Variants in SLC30A8 observed in about 807,000 individuals in gnomAD.
The protein encoded by SLC30A8 is solute carrier family 30 member 8, also known as proton-coupled zinc antiporter SLC30A8.
A neutral mutation model predicts 36.9 loss-of-function variants in SLC30A8; 27 were observed. That is an observed-to-expected ratio of 0.73 (90% CI 0.54 to 1.01). The LOEUF is 1.01. Ranked by LOEUF, SLC30A8 falls within the 50% of genes least tolerant of loss-of-function variation. The probability of loss-of-function intolerance (pLI) is 0.00; values close to 1 mark genes in which losing one functional copy is unlikely to be tolerated. For missense variants in SLC30A8, 439 were observed against 452.0 expected (o/e 0.97, Z 0.26); for synonymous variants, 164 against 172.4 (o/e 0.95, Z 0.38).
At chr8:116,999,625 A>G (rs1505525) in intron 1 of SLC30A8, among the ~76,000 whole-genome samples, 57,777 of 152,106 alleles carry the variant, frequency 0.38, 11,979 homozygotes, top group Admixed American at 0.5. Context: ...TCCAGATGCA[A>G]TTAATTCTAT....
intron 1 of SLC30A8, among the ~76,000 whole-genome samples, chr8:117,011,788 A>G (rs1157587061): frequency 1.3e-5 from 2 of 152,216 alleles, no homozygotes; most frequent in Non-Finnish European, 2.9e-5. Flanking sequence ...ATGGCAAATA[A>G]CTTTTAACTA....
rs926774604 is a variant in SLC30A8, at chr8:117,056,394, C to G, written c.-226+17136C>G. On this transcript the variant is annotated intron_variant, in intron 2 of 10. Transcript: ENST00000427715. ...GAAAGGCTTCTGGCCAAAGTCAGGG[C>G]TCGCGCTGTGGGGACCTTTACCACT... is the stretch of plus-strand genomic sequence containing the variant. Among the ~76,000 whole-genome samples the G allele has an allele frequency of 1.3e-5, 2 of 152,174 alleles. 1 individual carries two copies. Among genetic ancestry groups the G allele is most frequent in the Non-Finnish European group, 2.9e-5 (2 of 68,034 alleles).
At chr8:116,994,276 C>T (rs1016622011) in intron 1 of SLC30A8, among the ~76,000 whole-genome samples, 5 of 152,020 alleles carry the variant, frequency 3.3e-5, no homozygotes, top group African/African-American at 1.2e-4. Flanking sequence ...TATATGCAGG[C>T]CCTGTGACTA....
upstream of SLC30A8, among the ~76,000 whole-genome samples, chr8:117,132,766 C>T (rs1353701091): frequency 3.9e-5 from 6 of 151,948 alleles, no homozygotes; most frequent in South Asian, 6.2e-4. Context: ...GAGGGAATGA[C>T]GGTGCAGTTA....
chr8:117,093,690 T>C (rs191144208), intron 2 of SLC30A8, among the ~76,000 whole-genome samples: 1 of 152,286 alleles, frequency 6.6e-6, no homozygotes, highest in Admixed American at 6.5e-5. Context: ...GTTACTGTCA[T>C]GGGATTTTTG....
chr8:116,992,535 CT>C (rs11362684), intron 1 of SLC30A8, among the ~76,000 whole-genome samples: 4,874 of 151,890 alleles, frequency 0.032, 245 homozygotes, highest in African/African-American at 0.11. Flanking sequence ...TGTGTTGAAG[CT>C]TTATGGAAGT....
chr8:117,171,735 A>G (rs1270932907), intron 7 of SLC30A8, among the ~76,000 whole-genome samples: 1 of 152,116 alleles, frequency 6.6e-6, no homozygotes, highest in African/African-American at 2.4e-5. Flanking sequence ...CAAGAAGTTA[A>G]TTTTGTCTCT....
In SLC30A8 at chr8:117,174,025, C is replaced by T. The variant is rs2129799408; in HGVS notation, c.*1344C>T. 1 of 152,174 alleles carries T rather than the reference C, an allele frequency of 6.6e-6. No individual in the cohort carries two copies. The highest frequency in any genetic ancestry group is 2.1e-4 in the South Asian group (1 of 4,820). The allele number at this position is 152,174 out of a possible 1,614,324, so 9.4% of individuals were successfully genotyped here. On this transcript the variant is annotated 3_prime_UTR_variant, in exon 8 of 8. Coordinates refer to ENST00000456015, the MANE Select transcript of SLC30A8 (RefSeq NM_173851.3). ...CATTCTAGGCAAAAAGAAGACTAGG[C>T]ACAAGGCACACTTATGTTTGTCTGT...
chr8:117,159,577 G>T (rs757001137), intron 4 of SLC30A8, among the ~76,000 whole-genome samples: 3 of 152,174 alleles, frequency 2.0e-5, no homozygotes, highest in Non-Finnish European at 4.4e-5. Flanking sequence ...CCCATCTTTA[G>T]CCAGTTAACT....
chr8:117,103,292 C>A (rs748019742), intron 2 of SLC30A8, among the ~76,000 whole-genome samples: 1 of 151,954 alleles, frequency 6.6e-6, no homozygotes, highest in Non-Finnish European at 1.5e-5. Flanking sequence ...AGCAAGTTTG[C>A]AACCCAGCAA....
At chr8:117,006,530 C>CATTCCT (rs1442337515) in intron 1 of SLC30A8, among the ~76,000 whole-genome samples, 80 of 152,270 alleles carry the variant, frequency 5.3e-4, no homozygotes, top group African/African-American at 1.9e-3. Context: ...AGAGGAGTTC[C>CATTCCT]ATTCCTATTC....
At chr8:117,167,129 G>A (rs1291304710) in intron 6 of SLC30A8, among the ~76,000 whole-genome samples, 3 of 151,946 alleles carry the variant, frequency 2.0e-5, no homozygotes, top group Non-Finnish European at 4.4e-5. Flanking sequence ...ACAAGTTGGT[G>A]TACAATTTGA....
chr8:116,971,365 G>T (rs1814792277), intron 1 of SLC30A8, among the ~76,000 whole-genome samples: 1 of 151,250 alleles, frequency 6.6e-6, no homozygotes, highest in Non-Finnish European at 1.5e-5. Context: ...AATGGTGTAC[G>T]TATTTCCTCT....
rs541027104 is a variant in SLC30A8, at chr8:116,968,721, A to G, written c.-266+17602A>G. 5.9e-5 allele frequency among the ~76,000 whole-genome samples: 9 copies of G among 151,904 alleles called. No individual in the cohort carries two copies. The East Asian group carries it at 1.7e-3, about 29-fold the overall frequency. Reference sequence around the variant, plus strand: ...TAGTTGGGAACTACCTTCTGCCACAATGACTATTTCTTTTTTTTAATTTAT... The same window carrying G: ...TAGTTGGGAACTACCTTCTGCCACAGTGACTATTTCTTTTTTTTAATTTAT... On this transcript the variant is annotated intron_variant, in intron 1 of 10. Transcript: ENST00000427715.
chr8:116,962,091 G>A (rs1814444106), intron 1 of SLC30A8, among the ~76,000 whole-genome samples: 1 of 151,986 alleles, frequency 6.6e-6, no homozygotes, highest in South Asian at 2.1e-4. Context: ...GCAGCTAATA[G>A]CAACAACAAA....
chr8:117,029,762 G>A (rs900306551), intron 1 of SLC30A8, among the ~76,000 whole-genome samples: 2 of 152,174 alleles, frequency 1.3e-5, no homozygotes, highest in Non-Finnish European at 2.9e-5. Context: ...CAGAGTTTTT[G>A]TGTTTGTTTG....
rs142957728 is a variant in SLC30A8, at chr8:116,976,798, TTTTCTTTC to T, written c.-266+25699_-266+25706del. Among the ~76,000 whole-genome samples the T allele has an allele frequency of 4.1e-4, 51 of 125,516 alleles. 1 individual carries two copies. Among genetic ancestry groups the T allele is most frequent in the African/African-American group, 8.3e-4 (25 of 30,154 alleles). The allele number at this position is 125,516 out of a possible 152,430, so 82.3% of individuals were successfully genotyped here. ...GGGGATGCTGAGTTTCCCCTTTTAT[TTTTCTTTC>T]TTTCTTTCTTTCTTTCTTTTTTTTT... On this transcript the variant is annotated intron_variant, in intron 1 of 10. Coordinates refer to the SLC30A8 transcript ENST00000427715.
At chr8:117,099,662 T>C (rs1163855378) in intron 2 of SLC30A8, among the ~76,000 whole-genome samples, 1 of 152,144 alleles carries the variant, frequency 6.6e-6, no homozygotes, top group African/African-American at 2.4e-5. Context: ...GCTTACAGAA[T>C]ATTCAATGGA....
chr8:117,146,980 A>G lies in SLC30A8; in HGVS notation c.98A>G (p.Asn33Ser). Residue 33 changes from asparagine (N) to serine (S), a missense_variant, in exon 2 of 8, where the codon AAT (asparagine) becomes AGT (serine). Physicochemically the swap from Asn to Ser is conservative, Grantham distance 46. Transcript: ENST00000456015. ...ESVELQQKPV[N>S]KDQCPRERPE... ...GTGGAACTCCAACAGAAACCGGTGA[A>G]TAAAGATCAGTGTCCCAGAGAGAGA... 1.2e-6 allele frequency: 2 copies of G among 1,614,110 alleles called. No individual in the cohort carries two copies. The highest frequency in any genetic ancestry group is 8.5e-7 in the Non-Finnish European group (1 of 1,179,988).
Sources: allele counts gnomAD v4.1 joint callset (sites outside exome capture counted in the v4.1 genomes callset), GRCh38; gene constraint gnomAD v4.1.1; transcripts MANE v1.5; gene names NCBI Gene and HGNC (gene_info 2026-07-23, HGNC 2026-07-21).